Variants in GBE1 observed in about 807,000 individuals in gnomAD.
The protein encoded by GBE1 is 1,4-alpha-glucan branching enzyme 1.
A neutral mutation model predicts 88.8 loss-of-function variants in GBE1; 70 were observed. That is an observed-to-expected ratio of 0.79 (90% CI 0.65 to 0.96). The LOEUF (loss-of-function observed/expected upper bound fraction) is 0.96, where lower values mean the gene tolerates loss of function less well. GBE1 is among the 40% of genes least tolerant of loss of function. The probability of loss-of-function intolerance (pLI) is 0.00; values close to 1 mark genes in which losing one functional copy is unlikely to be tolerated. For missense variants in GBE1, 872 were observed against 871.0 expected (o/e 1.00, Z -0.01); for synonymous variants, 284 against 300.1 (o/e 0.95, Z 0.56).
intron 7 of GBE1, among the ~76,000 whole-genome samples, chr3:81,602,806 C>A (rs1162140398): frequency 6.6e-6 from 1 of 152,118 alleles, no homozygotes; most frequent in African/African-American, 2.4e-5. Flanking sequence ...CTTAACTATT[C>A]TTTCTTGTTT....
intron 2 of GBE1, among the ~76,000 whole-genome samples, chr3:81,680,073 C>T (rs962396820): frequency 6.6e-6 from 1 of 152,160 alleles, no homozygotes; most frequent in Non-Finnish European, 1.5e-5. Context: ...TCTTTGTAGA[C>T]GTTCCACAGA....
chr3:81,716,349 AAG>A (rs1705937049), intron 1 of GBE1, among the ~76,000 whole-genome samples: 1 of 152,162 alleles, frequency 6.6e-6, no homozygotes, highest in Non-Finnish European at 1.5e-5. Flanking sequence ...TATCTTTTAA[AAG>A]TTGCTACTAT....
At chr3:81,723,067 A>T (rs1324636970) in intron 1 of GBE1, among the ~76,000 whole-genome samples, 1 of 151,718 alleles carries the variant, frequency 6.6e-6, no homozygotes, top group African/African-American at 2.4e-5. Flanking sequence ...TAAAAATGAA[A>T]AAAACGTGGT....
chr3:81,517,141 G>T (rs938576043), intron 14 of GBE1, among the ~76,000 whole-genome samples: 1 of 151,424 alleles, frequency 6.6e-6, no homozygotes, highest in Non-Finnish European at 1.5e-5. Flanking sequence ...TTTCATAAAA[G>T]GAAGAGTCAA....
chr3:81,759,782 G>A (rs117888369), intron 1 of GBE1, among the ~76,000 whole-genome samples: 1 of 152,010 alleles, frequency 6.6e-6, no homozygotes, highest in East Asian at 1.9e-4. Flanking sequence ...CAATCCCAGT[G>A]GAGTTGGAAA....
chr3:81,609,839 T>C (rs1433186740), intron 7 of GBE1, among the ~76,000 whole-genome samples: 4 of 152,184 alleles, frequency 2.6e-5, no homozygotes, highest in Admixed American at 6.6e-5. Context: ...CGTTAGAGAT[T>C]GTAAACATAT....
At chr3:81,695,389 C>T (rs1705576544) in intron 2 of GBE1, among the ~76,000 whole-genome samples, 1 of 152,140 alleles carries the variant, frequency 6.6e-6, no homozygotes, top group African/African-American at 2.4e-5. Context: ...AGAAGCCAGA[C>T]ACAAAAGCCC....
chr3:81,676,713 C>T (rs1019532402), intron 2 of GBE1, among the ~76,000 whole-genome samples: 5 of 151,866 alleles, frequency 3.3e-5, no homozygotes, highest in African/African-American at 7.3e-5. Flanking sequence ...CATAGGTATA[C>T]ATGTGCCATG....
chr3:81,730,106 A>T (rs142029697), intron 1 of GBE1, among the ~76,000 whole-genome samples: 67 of 152,296 alleles, frequency 4.4e-4, no homozygotes, highest in Non-Finnish European at 7.9e-4. Context: ...TACATGACAC[A>T]ACAGGGCCTG....
At chr3:81,616,436 G>A (rs896184557) in intron 7 of GBE1, among the ~76,000 whole-genome samples, 4 of 152,016 alleles carry the variant, frequency 2.6e-5, no homozygotes, top group African/African-American at 9.7e-5. Flanking sequence ...AACAGCTCTC[G>A]TATCATTTGT....
intron 2 of GBE1, among the ~76,000 whole-genome samples, chr3:81,678,851 G>C (rs1489286500): frequency 2.0e-5 from 3 of 152,068 alleles, no homozygotes; most frequent in Non-Finnish European, 4.4e-5. Flanking sequence ...ATCAATAGTA[G>C]CATATCAGGC....
chr3:81,726,123 G>T (rs181224078), intron 1 of GBE1, among the ~76,000 whole-genome samples: 3 of 151,846 alleles, frequency 2.0e-5, no homozygotes, highest in Admixed American at 2.0e-4. Flanking sequence ...TCCCAAGTTT[G>T]ATAAAATTCA....
chr3:81,554,189 A>G (rs1274377270), intron 12 of GBE1, among the ~76,000 whole-genome samples: 4 of 145,124 alleles, frequency 2.8e-5, no homozygotes, highest in Admixed American at 6.8e-5. Flanking sequence ...TGGTGGGGGG[A>G]AAAAAATGTT....
At chr3:81,710,484 G>T (rs1440765308) in intron 1 of GBE1, among the ~76,000 whole-genome samples, 1 of 151,292 alleles carries the variant, frequency 6.6e-6, no homozygotes, top group Non-Finnish European at 1.5e-5. Flanking sequence ...GAGAATCAGG[G>T]GTAGCTGATA....
At chr3:81,556,676 C>A (rs1019940795) in intron 12 of GBE1, among the ~76,000 whole-genome samples, 1 of 152,042 alleles carries the variant, frequency 6.6e-6, no homozygotes, top group Non-Finnish European at 1.5e-5. Flanking sequence ...AGGGTATAAA[C>A]ATCAAGAAGG....
intron 12 of GBE1, among the ~76,000 whole-genome samples, chr3:81,563,841 A>C (rs1018495904): frequency 7.0e-6 from 1 of 143,280 alleles, no homozygotes; most frequent in Non-Finnish European, 1.5e-5. Flanking sequence ...TAGATATATA[A>C]GTAACCTTCT....
At position 81,489,943 on chromosome 3, in the gene GBE1, AT is replaced by A. The variant is rs779586959; in HGVS notation, c.*463del. 4 of 157,086 alleles carry A rather than the reference AT, an allele frequency of 2.5e-5. No homozygotes were observed. The highest frequency in any genetic ancestry group is 5.6e-5 in the Non-Finnish European group (4 of 71,556). 9.7% of individuals were successfully genotyped at this position (157,086 alleles called of 1,614,324 possible). ...ATTTATTACAGTATTTCTAAACACA[AT>A]TTGAAAAAAAGAAACAAAGAAACAA... On this transcript the variant is annotated 3_prime_UTR_variant, in exon 16 of 16. Coordinates refer to ENST00000429644, the MANE Select transcript of GBE1 (RefSeq NM_000158.4).
chr3:81,556,381 T>G lies in GBE1; in HGVS notation c.1619-19286A>C, dbSNP rs565393433. Among the ~76,000 whole-genome samples the G allele has an allele frequency of 8.5e-5, 13 of 152,048 alleles. No individual in the cohort carries two copies. The South Asian group carries it at 1.7e-3, about 19-fold the overall frequency. On this transcript the variant is annotated intron_variant, in intron 12 of 15. Coordinates refer to ENST00000429644, the MANE Select transcript of GBE1 (RefSeq NM_000158.4). ...AAAAGATTAAAATAAGAATCCAGAATTATGGCACAACAGTTATTGGAGTCC... is the reference window on the plus strand; with the variant it reads ...AAAAGATTAAAATAAGAATCCAGAAGTATGGCACAACAGTTATTGGAGTCC...
chr3:81,528,728 CTTAT>C (rs937188396), intron 14 of GBE1, among the ~76,000 whole-genome samples: 2 of 151,756 alleles, frequency 1.3e-5, no homozygotes, highest in African/African-American at 4.8e-5. Flanking sequence ...ATATAATGAC[CTTAT>C]TTGTCTCTTT....
Sources: gnomAD v4.1 joint callset for allele counts (sites outside exome capture counted in the v4.1 genomes callset) on GRCh38, gnomAD v4.1.1 for gene constraint, MANE v1.5 for transcripts, NCBI Gene and HGNC (gene_info 2026-07-23, HGNC 2026-07-21) for gene names.